ZNF93: variants seen among roughly 807,000 people sequenced by gnomAD.
ZNF93 encodes zinc finger protein 505.
In ZNF93, 29 loss-of-function variants were observed where a neutral mutation model predicts 45.0. That is an observed-to-expected ratio of 0.64 (90% CI 0.48 to 0.88). ZNF93 has a LOEUF of 0.88. ZNF93 is among the 40% of genes least tolerant of loss of function. The pLI is 0.00. For synonymous variants in ZNF93, 223 were observed against 244.6 expected (o/e 0.91, Z 0.82); for missense variants, 578 against 724.0 (o/e 0.80, Z 2.31).
At chr19:19,918,101 T>C (rs564834675) in intron 3 of ZNF93, among the ~76,000 whole-genome samples, 1 of 148,672 alleles carries the variant, frequency 6.7e-6, no homozygotes, top group East Asian at 2.0e-4. Flanking sequence ...CCCTCCCCCG[T>C]CCCCCCACCC....
Position 19,915,228 on chromosome 19 carries a change from T to C in ZNF93, c.4-52T>C, listed in dbSNP as rs923189774. On this transcript the variant is annotated intron_variant, in intron 1 of 3. Transcript: ENST00000343769. ...TCTCTCATTTCACCTTAAGTAAAAT[T>C]AAAAATTCCACCCATGGCCACTTGG... 21 of 1,611,656 alleles carry C rather than the reference T, an allele frequency of 1.3e-5. No individual in the cohort carries two copies. In the Admixed American group the frequency reaches 1.3e-4, roughly 10 times the overall value.
rs775263904 is a variant in ZNF93, at chr19:19,934,867, A to C, written c.*49A>C. ...CTTCAAGTGGTCCTCACACCTTACT[A>C]TACACTGAGAGTTCTGAACTTACTC... On this transcript the variant is annotated 3_prime_UTR_variant, in exon 4 of 4. Coordinates refer to ENST00000343769, the MANE Select transcript of ZNF93 (RefSeq NM_031218.4). 6 of 1,539,958 alleles carry C rather than the reference A, an allele frequency of 3.9e-6. No individual in the cohort carries two copies. Among genetic ancestry groups the C allele is most frequent in the South Asian group, 3.7e-5 (3 of 80,240 alleles).
rs557105438 is a variant in ZNF93 at position 19,912,520 on chromosome 19, TTA to T, written c.4-2758_4-2757del. The stretch of plus-strand genomic sequence containing the variant: ...TGTAAGGTGTTTGTTTTTAAATTTT[TTA>T]TTAAAACCAGTGCTTGCAGAGACAT... On this transcript the variant is annotated intron_variant, in intron 1 of 3. Coordinates refer to ENST00000343769, the MANE Select transcript of ZNF93 (RefSeq NM_031218.4). Among the ~76,000 whole-genome samples, 199 of 152,234 alleles carry T rather than the reference TTA, an allele frequency of 1.3e-3. 1 individual carries two copies. The highest frequency in any genetic ancestry group is 4.6e-3 in the African/African-American group (191 of 41,514).
At chr19:19,904,962 ATC>A (rs1378709478) in intron 1 of ZNF93, among the ~76,000 whole-genome samples, 1 of 151,086 alleles carries the variant, frequency 6.6e-6, no homozygotes, top group African/African-American at 2.4e-5. Context: ...GGCATTTTTG[ATC>A]TGTGTTTTTT....
chr19:19,907,331 T>C lies in ZNF93; in HGVS notation c.3+6240T>C, dbSNP rs186179268. Reference sequence around the variant, plus strand: ...ATGATAAAGACTAAAAGATACTAAGTTCCATTGACAGAAACCTGATTATTC... The same window carrying C: ...ATGATAAAGACTAAAAGATACTAAGCTCCATTGACAGAAACCTGATTATTC... On this transcript the variant is annotated intron_variant, in intron 1 of 3. Transcript: ENST00000343769. Among the ~76,000 whole-genome samples the C allele has an allele frequency of 6.9e-4, 105 of 152,196 alleles. 2 individuals carry two copies. Among genetic ancestry groups the C allele is most frequent in the African/African-American group, 2.5e-3 (102 of 41,540 alleles).
intron 3 of ZNF93, among the ~76,000 whole-genome samples, chr19:19,928,441 G>T (rs2063362616): frequency 6.6e-6 from 1 of 152,102 alleles, no homozygotes; most frequent in Admixed American, 6.5e-5. Flanking sequence ...TTTTGAATTT[G>T]CCAGTTTGAC....
intron 3 of ZNF93, among the ~76,000 whole-genome samples, chr19:19,918,926 T>G (rs968563707): frequency 6.4e-4 from 98 of 152,276 alleles, no homozygotes; most frequent in African/African-American, 2.2e-3. Context: ...GATGGTAGTT[T>G]TTTTTTTGCT....
chr19:19,904,899 G>C (rs973603262), intron 1 of ZNF93, among the ~76,000 whole-genome samples: 17 of 152,104 alleles, frequency 1.1e-4, no homozygotes, highest in Non-Finnish European at 2.9e-5. Context: ...ACTAGACATT[G>C]ACATGTCCAC....
chr19:19,917,136 C>T (rs1027165728), intron 3 of ZNF93, among the ~76,000 whole-genome samples: 7 of 151,892 alleles, frequency 4.6e-5, no homozygotes, highest in Non-Finnish European at 1.0e-4. Context: ...GTATAGTTTG[C>T]AATTATACAT....
chr19:19,911,582 A>C (rs533458917), intron 1 of ZNF93, among the ~76,000 whole-genome samples: 11 of 152,060 alleles, frequency 7.2e-5, no homozygotes, highest in Non-Finnish European at 1.3e-4. Context: ...CAATCCAGAA[A>C]CTTTTAGTCT....
chr19:19,933,046 G>A, intron 3 of ZNF93, 136 bp from the exon 4 acceptor site: 1 of 685,964 alleles, frequency 1.5e-6, no homozygotes, highest in Non-Finnish European at 2.2e-6. Flanking sequence ...TATATGTTCA[G>A]GAAGACATTA....
rs752447118 is a variant in ZNF93, at chr19:19,933,617, G to C, written c.662G>C (p.Arg221Thr). ...TCCTCTGCCCTTAATACACATAAGA[G>C]AATTCATACTGGAGAGAAACCATAC... The part of the protein sequence containing the change: ...KYSSALNTHK[R>T]IHTGEKPYKC... Residue 221 changes from arginine to threonine, a missense_variant, in exon 4 of 4, where the codon AGA (arginine) becomes ACA (threonine). Arg to Thr is a moderately conservative substitution (Grantham distance 71). Transcript: ENST00000343769. The C allele has an allele frequency of 1.2e-5, 19 of 1,608,340 alleles. No homozygotes were observed. Among genetic ancestry groups the C allele is most frequent in the Non-Finnish European group, 1.4e-5 (17 of 1,177,970 alleles).
chr19:19,901,273 C>T (rs550116955), intron 1 of ZNF93, among the ~76,000 whole-genome samples, 182 bp downstream of exon 1: 3 of 152,194 alleles, frequency 2.0e-5, no homozygotes, highest in Middle Eastern at 3.4e-3. Flanking sequence ...TAGCGCAGCC[C>T]CCAGGCGTCC....
intron 1 of ZNF93, among the ~76,000 whole-genome samples, chr19:19,911,813 G>A (rs1161483134): frequency 6.6e-6 from 1 of 151,420 alleles, no homozygotes; most frequent in Admixed American, 6.6e-5. Flanking sequence ...GCAGTGGCAC[G>A]ATCTCGGCTC....
chr19:19,916,532 T>C lies in ZNF93; in HGVS notation c.131-28T>C, dbSNP rs763933784. On this transcript the variant is annotated intron_variant, in intron 2 of 3. Coordinates refer to ENST00000343769, the MANE Select transcript of ZNF93 (RefSeq NM_031218.4). ...TTGTAATTGGAGAATATGAGCAAGA[T>C]TCATGTTATTTATTCTTAACAAAAC... The C allele has an allele frequency of 1.9e-6, 3 of 1,573,754 alleles. No homozygotes were observed. In the African/African-American group the frequency reaches 4.1e-5, roughly 21 times the overall value.
At chr19:19,914,803 CA>C in intron 1 of ZNF93, 11 of 372,936 alleles carry the variant, frequency 2.9e-5, no homozygotes, top group East Asian at 1.0e-4. Context: ...CTTCTCGGGC[CA>C]AAAACATTGA....
At chr19:19,932,268 GT>G (rs1330397627) in intron 3 of ZNF93, 1 of 154,808 alleles carries the variant, frequency 6.5e-6, no homozygotes, top group Admixed American at 6.5e-5. Context: ...CAAATATTCA[GT>G]TTGGTCTTAT....
intron 1 of ZNF93, among the ~76,000 whole-genome samples, chr19:19,902,609 A>T (rs963991649): frequency 6.6e-6 from 1 of 151,790 alleles, no homozygotes; most frequent in African/African-American, 2.4e-5. Context: ...CCTCCCCTGC[A>T]GATGTCCCAG....
Position 19,934,619 on chromosome 19 carries a change from A to C in ZNF93, c.1664A>C (p.His555Pro). Residue 555 changes from histidine (H) to proline (P), a missense_variant, in exon 4 of 4, where the codon CAT becomes CCT. Physicochemically the swap from His to Pro is moderately conservative, Grantham distance 77 (BLOSUM62 -2). This residue lies in a region of ZNF93 where 119 missense variants were observed against 123.1 expected (regional missense o/e 0.97). Coordinates refer to ENST00000343769, the MANE Select transcript of ZNF93 (RefSeq NM_031218.4). ...AFHLSTHLTT[H>P]KILHTGEKPY... ...CACCTATCCACACACCTTACTACAC[A>C]TAAGATACTTCATACTGGAGAGAAA... is the stretch of plus-strand genomic sequence containing the variant. 1 of 1,613,932 alleles carries C rather than the reference A, an allele frequency of 6.2e-7. No homozygotes were observed. Among genetic ancestry groups the C allele is most frequent in the Non-Finnish European group, 8.5e-7 (1 of 1,179,976 alleles).
Sources: allele counts gnomAD v4.1 joint callset (sites outside exome capture counted in the v4.1 genomes callset), GRCh38; gene constraint gnomAD v4.1.1; regional missense constraint gnomAD v4.1.1; transcripts MANE v1.5; gene names NCBI Gene and HGNC (gene_info 2026-07-23, HGNC 2026-07-21).